LUM: variants seen among roughly 807,000 people sequenced by gnomAD.
LUM encodes the protein KSPG lumican.
Under a neutral mutation model 20.5 loss-of-function variants are expected in LUM, and 13 were observed. The ratio of observed to expected loss-of-function variants is 0.63; its 90% CI spans 0.41 to 1.01. LUM has a LOEUF of 1.01. Among genes scored for constraint, LUM ranks in the 50% least tolerant of loss-of-function variants. The pLI is 0.00. For synonymous variants in LUM, 173 were observed against 151.5 expected (o/e 1.14, Z -1.04); for missense variants, 321 against 391.1 (o/e 0.82, Z 1.51).
At chr12:91,111,373 G>A (rs1052024136) in intron 1 of LUM, 25 bp downstream of exon 1, 1 of 152,196 alleles carries the variant, frequency 6.6e-6, no homozygotes, top group African/African-American at 2.4e-5. Context: ...AACATCCCCA[G>A]TGCAATAGTT....
rs537611883 is a variant in LUM, at chr12:91,103,454, T to C, written c.*711A>G. On this transcript the variant is annotated 3_prime_UTR_variant, in exon 3 of 3. Transcript: ENST00000266718. ...ATCCTATGTTCACATCAGTAAAATA[T>C]TGCAGGCCAGAGATATCTTTTGATT... 7.2e-5 allele frequency: 11 copies of C among 152,214 alleles called. No individual in the cohort carries two copies. In the East Asian group the frequency reaches 2.1e-3, roughly 29 times the overall value. 9.4% of individuals were successfully genotyped at this position (152,214 alleles called of 1,614,324 possible). A position where few individuals can be genotyped will look rare whatever the true frequency, so the allele number is the denominator to read the frequency against.
At position 91,108,933 on chromosome 12, in the gene LUM, G is replaced by A. The variant is rs756945757; in HGVS notation, c.47C>T (p.Thr16Ile). ...FTLFLALIGG[T>I]SGQYYDYDFP... ...ATCATAATCATAGTACTGGCCACTGGTACCACCAATCAATGCCAGGAAGAG... is the reference window on the plus strand; with the variant it reads ...ATCATAATCATAGTACTGGCCACTGATACCACCAATCAATGCCAGGAAGAG... The change falls in exon 2 of 3, where the codon ACC (threonine) becomes ATC (isoleucine). Residue 16 changes from threonine to isoleucine, a missense_variant. Coordinates refer to ENST00000266718, the MANE Select transcript of LUM (RefSeq NM_002345.4). This position sits in a 1 kb window ranked among gnomAD's most constrained non-coding sequence, Gnocchi z 4.2. 6.2e-7 allele frequency: 1 copy of A among 1,613,478 alleles called. No individual in the cohort carries two copies. The highest frequency in any genetic ancestry group is 8.5e-7 in the Non-Finnish European group (1 of 1,179,662).
At chr12:91,109,260 A>C (rs1880150108) in intron 1 of LUM, among the ~76,000 whole-genome samples, 3 of 10,848 alleles carry the variant, frequency 2.8e-4, no homozygotes, top group Admixed American at 1.4e-3. Context: ...TAATTGTTCC[A>C]GTCAATCTCC....
intron 2 of LUM, among the ~76,000 whole-genome samples, chr12:91,107,444 T>C (rs1207230110): frequency 6.6e-6 from 1 of 152,020 alleles, no homozygotes; most frequent in Non-Finnish European, 1.5e-5. Flanking sequence ...ACTGTGCCAC[T>C]TTTGAACTCA....
At chr12:91,104,960 CTTACTTTGTAATAGAAACCAAGAGTGTTA>C (rs1373043356) in intron 2 of LUM, among the ~76,000 whole-genome samples, 1 of 152,152 alleles carries the variant, frequency 6.6e-6, no homozygotes, top group African/African-American at 2.4e-5. Flanking sequence ...GAAACACTGA[CTTACTTTGTAATAGAAACCAAGAGTGTTA>C]CTGAATTGAC....
chr12:91,104,136 C>T lies in LUM; in HGVS notation c.*29G>A, dbSNP rs760667728. 6 of 1,580,022 alleles carry T rather than the reference C, an allele frequency of 3.8e-6. No homozygotes were observed. Among genetic ancestry groups the T allele is most frequent in the Admixed American group, 3.4e-5 (2 of 59,366 alleles). ...AAAACTGACACACAGAAAAACATAA[C>T]CATAAAATATTGTTCCAGGATACAG... On this transcript the variant is annotated 3_prime_UTR_variant, in exon 3 of 3. Transcript: ENST00000266718.
At chr12:91,104,438 A>T in intron 2 of LUM, 119 bp from the exon 3 acceptor site, 1 of 680,916 alleles carries the variant, frequency 1.5e-6, no homozygotes, top group Non-Finnish European at 2.4e-6. Flanking sequence ...GAAAAGTCAT[A>T]ATATAGTATA....
At chr12:91,106,490 C>T (rs983401448) in intron 2 of LUM, among the ~76,000 whole-genome samples, 8 of 151,844 alleles carry the variant, frequency 5.3e-5, no homozygotes, top group Admixed American at 4.6e-4. Flanking sequence ...TTCAATTTCC[C>T]ATTGGAATCT....
At position 91,102,977 on chromosome 12, in the gene LUM, G is replaced by A. The variant is rs1879941423; in HGVS notation, c.*1188C>T. On this transcript the variant is annotated 3_prime_UTR_variant, in exon 3 of 3. Transcript: ENST00000266718. Reference sequence around the variant, plus strand: ...GCAGACCTTTGTCTGCATAACATTTGGCTCCACACATAGGTTTTATTGTTA... The same window carrying A: ...GCAGACCTTTGTCTGCATAACATTTAGCTCCACACATAGGTTTTATTGTTA... 1 of 151,962 alleles carries A rather than the reference G, an allele frequency of 6.6e-6. No homozygotes were observed. Among genetic ancestry groups the A allele is most frequent in the African/African-American group, 2.4e-5 (1 of 41,414 alleles). The allele number at this position is 151,962 out of a possible 1,614,324, so 9.4% of individuals were successfully genotyped here.
At chr12:91,107,951 GATCCGCCCACTTCGGCCTCCCAAAATGCT>G (rs1880118413) in intron 2 of LUM, among the ~76,000 whole-genome samples, 138 bp downstream of exon 2, 1 of 152,050 alleles carries the variant, frequency 6.6e-6, no homozygotes, top group Non-Finnish European at 1.5e-5. Flanking sequence ...CTGACCTGGT[GATCCGCCCACTTCGGCCTCCCAAAATGCT>G]GGATTTACAG....
intron 2 of LUM, among the ~76,000 whole-genome samples, chr12:91,107,156 AAAG>A (rs1880056057): frequency 6.9e-6 from 1 of 144,850 alleles, no homozygotes; most frequent in African/African-American, 2.5e-5. Flanking sequence ...AAAAAAAAAG[AAAG>A]AAAGAAAGAA....
intron 1 of LUM, among the ~76,000 whole-genome samples, 155 bp downstream of exon 1, chr12:91,111,243 A>T (rs910402008): frequency 9.2e-5 from 14 of 152,220 alleles, no homozygotes; most frequent in Non-Finnish European, 1.8e-4. Flanking sequence ...CATGGAAAAC[A>T]TATTAACAAA....
At position 91,108,077 on chromosome 12, in the gene LUM, A is replaced by T; in HGVS notation, c.862+41T>A. 2 of 1,608,436 alleles carry T rather than the reference A, an allele frequency of 1.2e-6. No individual in the cohort carries two copies. The highest frequency in any genetic ancestry group is 1.7e-6 in the Non-Finnish European group (2 of 1,175,376). ...TGTTGTGCAGCCCAGGTATTTAAAC[A>T]CTTGAGCACACATCAAACACAGGAA... On this transcript the variant is annotated intron_variant, in intron 2 of 2. Coordinates refer to ENST00000266718, the MANE Select transcript of LUM (RefSeq NM_002345.4). This position sits in a 1 kb window ranked among gnomAD's most constrained non-coding sequence, Gnocchi z 4.2.
intron 2 of LUM, among the ~76,000 whole-genome samples, chr12:91,106,792 C>A (rs1313899899): frequency 6.6e-6 from 1 of 150,854 alleles, no homozygotes; most frequent in African/African-American, 2.4e-5. Flanking sequence ...GGCCACACAC[C>A]ATAACAGAGA....
chr12:91,105,616 T>C (rs769421380), intron 2 of LUM, among the ~76,000 whole-genome samples: 5 of 152,302 alleles, frequency 3.3e-5, no homozygotes, highest in African/African-American at 4.8e-5. Flanking sequence ...ACTGAGGTGA[T>C]ACATAAAAAG....
chr12:91,109,356 A>G (rs902044796), intron 1 of LUM, among the ~76,000 whole-genome samples: 1 of 152,120 alleles, frequency 6.6e-6, no homozygotes, highest in Non-Finnish European at 1.5e-5. Flanking sequence ...GCTTCAGATC[A>G]TCTCTCAAAA....
chr12:91,107,287 G>GAAAGAGAA (rs1426004605), intron 2 of LUM, among the ~76,000 whole-genome samples: 27 of 61,322 alleles, frequency 4.4e-4, no homozygotes, highest in African/African-American at 1.3e-3. Flanking sequence ...AAGAAAGAAA[G>GAAAGAGAA]AGAAAGAAAG....
At chr12:91,109,696 T>A (rs1880161115) in intron 1 of LUM, among the ~76,000 whole-genome samples, 1 of 152,208 alleles carries the variant, frequency 6.6e-6, no homozygotes, top group African/African-American at 2.4e-5. Flanking sequence ...TAGTAATATT[T>A]AATAATTGCT....
rs1183230917 is a variant in LUM, at chr12:91,110,902, A to G, written c.-22+496T>C. On this transcript the variant is annotated intron_variant, in intron 1 of 2. Coordinates refer to ENST00000266718, the MANE Select transcript of LUM (RefSeq NM_002345.4). ...TCCAAGAAACAAATTTTTTAAATTA[A>G]CAAAACAGAAATAAATAATCCATAA... 8.5e-5 allele frequency among the ~76,000 whole-genome samples: 13 copies of G among 152,306 alleles called. No homozygotes were observed. The East Asian group carries it at 2.5e-3, about 29-fold the overall frequency.
Sources: gnomAD v4.1 joint callset for allele counts (sites outside exome capture counted in the v4.1 genomes callset) on GRCh38, gnomAD v4.1.1 for gene constraint, Gnocchi (gnomAD v3.1) non-coding constraint, MANE v1.5 for transcripts, NCBI Gene and HGNC (gene_info 2026-07-23, HGNC 2026-07-21) for gene names.